TRDN: variants seen among roughly 807,000 people sequenced by gnomAD.
The protein encoded by TRDN is triadin in skeletal muscle.
TRDN carries 161 observed loss-of-function variants against 149.7 expected under a neutral mutation model. The observed-to-expected ratio is 1.08, with a 90% CI of 0.95 to 1.23. TRDN has a LOEUF of 1.23. Among genes scored for constraint, TRDN ranks in the 50% most tolerant of loss-of-function variants. The probability of loss-of-function intolerance (pLI) is 0.00; values close to 1 mark genes in which losing one functional copy is unlikely to be tolerated. For missense variants in TRDN, 896 were observed against 823.5 expected, an observed-to-expected ratio of 1.09 and a Z score of -1.08; for synonymous variants, 294 against 250.5, an observed-to-expected ratio of 1.17 and a Z score of -1.64.
intron 7 of TRDN, among the ~76,000 whole-genome samples, chr6:123,507,982 TTCTTTG>T (rs764101667): frequency 8.7e-5 from 7 of 80,266 alleles, no homozygotes; most frequent in Non-Finnish European, 1.1e-4. Flanking sequence ...CTGCTTCAGT[TTCTTTG>T]CGTTAAAAAA....
At chr6:123,461,063 C>T (rs1264069771) in intron 10 of TRDN, among the ~76,000 whole-genome samples, 1 of 152,130 alleles carries the variant, frequency 6.6e-6, no homozygotes, top group Admixed American at 6.6e-5. Context: ...ATGTAGGGTT[C>T]ACTCTGTTCT....
At chr6:123,514,554 A>G (rs1410509102) in intron 6 of TRDN, among the ~76,000 whole-genome samples, 1 of 151,958 alleles carries the variant, frequency 6.6e-6, no homozygotes, top group Non-Finnish European at 1.5e-5. Context: ...CAAAGACAGA[A>G]AGCATAATAT....
intron 24 of TRDN, among the ~76,000 whole-genome samples, chr6:123,283,106 T>C (rs1216268958): frequency 1.3e-5 from 2 of 151,920 alleles, no homozygotes; most frequent in Non-Finnish European, 2.9e-5. Flanking sequence ...ATTGAAATGA[T>C]AACAAGTACT....
intron 1 of TRDN, among the ~76,000 whole-genome samples, chr6:123,600,894 C>G (rs1027220978): frequency 6.6e-6 from 1 of 152,008 alleles, no homozygotes; most frequent in African/African-American, 2.4e-5. Context: ...GTATTATATG[C>G]ACTTTTGGCT....
intron 2 of TRDN, among the ~76,000 whole-genome samples, chr6:123,551,223 T>TATATATATA (rs1311778479): frequency 2.9e-5 from 4 of 137,476 alleles, no homozygotes; most frequent in African/African-American, 5.5e-5. Flanking sequence ...TATATATATA[T>TATATATATA]TGCCTGGTTC....
chr6:123,461,867 G>A (rs766687216), intron 10 of TRDN, among the ~76,000 whole-genome samples: 1 of 152,148 alleles, frequency 6.6e-6, no homozygotes, highest in Non-Finnish European at 1.5e-5. Context: ...CCTCACATAA[G>A]TCAGCCCAAT....
intron 9 of TRDN, among the ~76,000 whole-genome samples, chr6:123,475,264 A>G (rs1344659082): frequency 2.4e-4 from 35 of 147,540 alleles, no homozygotes; most frequent in African/African-American, 8.3e-4. Context: ...CTACCATCAG[A>G]GAATACTACA....
intron 13 of TRDN, among the ~76,000 whole-genome samples, chr6:123,391,655 A>C (rs147058715): frequency 6.6e-6 from 1 of 152,128 alleles, no homozygotes; most frequent in East Asian, 1.9e-4. Flanking sequence ...ATATATGCTA[A>C]ATCTTAATAA....
intron 37 of TRDN, among the ~76,000 whole-genome samples, chr6:123,253,206 A>C (rs1476933465): frequency 1.3e-5 from 2 of 152,042 alleles, no homozygotes; most frequent in African/African-American, 4.8e-5. Flanking sequence ...TTTAGGACAA[A>C]ATAACTAAGG....
chr6:123,455,259 T>C (rs1776040969), intron 10 of TRDN, among the ~76,000 whole-genome samples: 1 of 152,188 alleles, frequency 6.6e-6, no homozygotes, highest in Admixed American at 6.5e-5. Context: ...ATGGATAAGG[T>C]AGATTTCTCC....
chr6:123,494,372 G>C (rs1778345274), intron 9 of TRDN, among the ~76,000 whole-genome samples: 1 of 152,112 alleles, frequency 6.6e-6, no homozygotes, highest in Non-Finnish European at 1.5e-5. Context: ...AGAAAGAAAT[G>C]ATTGGTATTG....
chr6:123,442,625 T>C (rs1161383524), intron 10 of TRDN, among the ~76,000 whole-genome samples: 1 of 150,894 alleles, frequency 6.6e-6, no homozygotes, highest in East Asian at 1.9e-4. Flanking sequence ...CTAAAATGCC[T>C]GGAACAGAGT....
At position 123,218,522 on chromosome 6, in the gene TRDN, C is replaced by A. The variant is rs1466150600; in HGVS notation, c.*79G>T. 1.3e-6 allele frequency: 2 copies of A among 1,496,086 alleles called. No individual in the cohort carries two copies. Among genetic ancestry groups the A allele is most frequent in the African/African-American group, 2.8e-5 (2 of 70,962 alleles). The allele number at this position is 1,496,086 out of a possible 1,614,324, so 92.7% of individuals were successfully genotyped here. A position where few individuals can be genotyped will look rare whatever the true frequency, so the allele number is the denominator to read the frequency against. ...ACAGAAATTCTCTGGGTTGCATATTCTTAATTGCCTGAACTACTGTGGACA... is the reference window on the plus strand; with the variant it reads ...ACAGAAATTCTCTGGGTTGCATATTATTAATTGCCTGAACTACTGTGGACA... On this transcript the variant is annotated 3_prime_UTR_variant, in exon 41 of 41. Transcript: ENST00000334268.
chr6:123,614,925 A>G (rs1785007610), intron 1 of TRDN, among the ~76,000 whole-genome samples: 1 of 152,202 alleles, frequency 6.6e-6, no homozygotes. Flanking sequence ...TGTCCAGAAT[A>G]TACAAGAAAC....
chr6:123,530,249 T>A (rs966359814), intron 5 of TRDN, among the ~76,000 whole-genome samples: 3 of 152,064 alleles, frequency 2.0e-5, no homozygotes, highest in Non-Finnish European at 4.4e-5. Flanking sequence ...ACTCTCTTAG[T>A]AATTGTAAAT....
At chr6:123,350,294 T>C (rs2114289290) in intron 21 of TRDN, 2 of 946,672 alleles carry the variant, frequency 2.1e-6, no homozygotes, top group East Asian at 1.2e-4. Context: ...GATACTGGAA[T>C]ATCCATAGTA....
At chr6:123,446,100 A>G (rs932329723) in intron 10 of TRDN, among the ~76,000 whole-genome samples, 1 of 151,730 alleles carries the variant, frequency 6.6e-6, no homozygotes, top group African/African-American at 2.4e-5. Flanking sequence ...CATGGATGAA[A>G]TTGGAAATCA....
chr6:123,316,757 T>C (rs1779039376), intron 23 of TRDN, among the ~76,000 whole-genome samples: 2 of 151,864 alleles, frequency 1.3e-5, no homozygotes, highest in Admixed American at 1.3e-4. Flanking sequence ...GTAATTTGGC[T>C]TCTTGTCTTT....
intron 38 of TRDN, among the ~76,000 whole-genome samples, chr6:123,236,744 G>C (rs1037054280): frequency 1.3e-5 from 2 of 152,046 alleles, no homozygotes; most frequent in African/African-American, 4.8e-5. Context: ...CAAATCAAAT[G>C]GTTATGTTAT....
Sources: gnomAD v4.1 joint callset for allele counts (sites outside exome capture counted in the v4.1 genomes callset) on GRCh38, gnomAD v4.1.1 for gene constraint, MANE v1.5 for transcripts, NCBI Gene and HGNC (gene_info 2026-07-23, HGNC 2026-07-21) for gene names.